SNX25: variants seen among roughly 807,000 people sequenced by gnomAD.
SNX25 encodes the protein sorting nexin-25.
In SNX25, 62 loss-of-function variants were observed where a neutral mutation model predicts 113.7. That is an observed-to-expected ratio of 0.55 (90% confidence interval 0.44 to 0.67). The LOEUF (loss-of-function observed/expected upper bound fraction) is 0.67, where lower values mean the gene tolerates loss of function less well. SNX25 is among the 30% of genes least tolerant of loss of function. The pLI is 0.00. For synonymous variants in SNX25, 421 were observed against 436.2 expected (o/e 0.97, Z 0.43); for missense variants, 1,014 against 1,161.0 (o/e 0.87, Z 1.84).
At chr4:185,304,794 C>G (rs994467449) in intron 6 of SNX25, among the ~76,000 whole-genome samples, 1 of 152,196 alleles carries the variant, frequency 6.6e-6, no homozygotes, top group Non-Finnish European at 1.5e-5. Flanking sequence ...CAGCCTAAAA[C>G]TTTTATTTGA....
chr4:185,207,210 CTTTTTTTTTTTTT>C (rs34373262), upstream of SNX25, among the ~76,000 whole-genome samples: 14 of 76,816 alleles, frequency 1.8e-4, no homozygotes, highest in South Asian at 4.8e-4. Flanking sequence ...ACCAGTCACA[CTTTTTTTTTTTTT>C]TTTTTTTTTT....
chr4:185,339,260 C>T, intron 10 of SNX25, 119 bp from the exon 11 acceptor site: 1 of 834,348 alleles, frequency 1.2e-6, no homozygotes, highest in Non-Finnish European at 1.8e-6. Flanking sequence ...TTGGATTATT[C>T]ACTGTTAGTG....
chr4:185,338,694 C>T (rs78518303), intron 10 of SNX25, among the ~76,000 whole-genome samples: 6,035 of 152,246 alleles, frequency 0.04, 313 homozygotes, highest in African/African-American at 0.12. Context: ...CTTCATTCTT[C>T]TGCCTGTGAA....
intron 3 of SNX25, among the ~76,000 whole-genome samples, chr4:185,262,409 C>G (rs773918551): frequency 2.0e-5 from 3 of 152,122 alleles, no homozygotes; most frequent in Non-Finnish European, 2.9e-5. Context: ...TCATAGTTTT[C>G]TTTGCTGGTC....
chr4:185,339,534 T>C (rs2095249421), intron 11 of SNX25, 24 bp downstream of exon 11: 2 of 1,590,046 alleles, frequency 1.3e-6, no homozygotes, highest in East Asian at 2.2e-5. Flanking sequence ...CTTTTCCTCT[T>C]AATTTATTTT....
At chr4:185,357,350 G>T (rs1363069113) in intron 15 of SNX25, among the ~76,000 whole-genome samples, 1 of 152,214 alleles carries the variant, frequency 6.6e-6, no homozygotes, top group Non-Finnish European at 1.5e-5. Context: ...GAATTACACT[G>T]TGTGGTGGTG....
intron 15 of SNX25, among the ~76,000 whole-genome samples, chr4:185,356,010 T>C (rs2095337144): frequency 6.6e-6 from 1 of 152,244 alleles, no homozygotes; most frequent in Non-Finnish European, 1.5e-5. Context: ...TCGGTTTTGC[T>C]AGTGGCATTT....
intron 1 of SNX25, among the ~76,000 whole-genome samples, chr4:185,212,187 A>G (rs535601141): frequency 2.0e-5 from 3 of 152,212 alleles, no homozygotes; most frequent in African/African-American, 7.2e-5. Flanking sequence ...CATGTTGCCT[A>G]GGCTGGTCTT....
intron 1 of SNX25, among the ~76,000 whole-genome samples, chr4:185,235,417 C>T (rs1742472599): frequency 1.3e-5 from 2 of 152,194 alleles, no homozygotes; most frequent in South Asian, 2.1e-4. Context: ...TCTGGAGGTG[C>T]CCTGCTCAGA....
rs2095217867 is a variant in SNX25 at position 185,334,636 on chromosome 4, A to G, written c.1914+1877A>G. 6.6e-6 allele frequency among the ~76,000 whole-genome samples: 1 copy of G among 152,196 alleles called. No homozygotes were observed. The highest frequency in any genetic ancestry group is 1.5e-5 in the Non-Finnish European group (1 of 68,040). The stretch of plus-strand genomic sequence containing the variant: ...TCTCATTATAAATTAAAATGCATCT[A>G]TGGGTAACAGTATGAAAGATGAGTT... On this transcript the variant is annotated intron_variant, in intron 10 of 18. Transcript: ENST00000652585. This position sits in a 1 kb window ranked among gnomAD's most constrained non-coding sequence, Gnocchi z 4.2.
At chr4:185,284,966 AG>A (rs927959284) in intron 5 of SNX25, among the ~76,000 whole-genome samples, 1 of 152,212 alleles carries the variant, frequency 6.6e-6, no homozygotes, top group African/African-American at 2.4e-5. Context: ...GTACTAGTAG[AG>A]AAACGGAAAG....
In SNX25 at chr4:185,363,301, T is replaced by G; in HGVS notation, c.2935-84T>G. ...GATAATTTCAGACCTAAAATTAGAC[T>G]TTTCTCTTAGATGCAGATATTTATT... On this transcript the variant is annotated intron_variant, in intron 18 of 18. Coordinates refer to ENST00000652585, the MANE Select transcript of SNX25 (RefSeq NM_001378034.2). The surrounding 1 kb of genome is among the most constrained non-coding windows in gnomAD (Gnocchi z 4.2). 1 of 1,331,716 alleles carries G rather than the reference T, an allele frequency of 7.5e-7. No homozygotes were observed. Among genetic ancestry groups the G allele is most frequent in the Non-Finnish European group, 1.1e-6 (1 of 946,502 alleles). 82.5% of individuals were successfully genotyped at this position (1,331,716 alleles called of 1,614,324 possible).
chr4:185,253,233 A>G (rs768875785), intron 2 of SNX25, among the ~76,000 whole-genome samples: 1 of 152,110 alleles, frequency 6.6e-6, no homozygotes, highest in Non-Finnish European at 1.5e-5. Flanking sequence ...TTCAATGTTA[A>G]ATTGAAAGTT....
At chr4:185,213,995 C>T (rs1308449101) in intron 1 of SNX25, among the ~76,000 whole-genome samples, 2 of 150,546 alleles carry the variant, frequency 1.3e-5, no homozygotes, top group Non-Finnish European at 2.9e-5. Context: ...GTGCAGTGGC[C>T]TGACCGTGAT....
intron 7 of SNX25, among the ~76,000 whole-genome samples, chr4:185,311,047 G>A (rs1381096954): frequency 6.6e-6 from 1 of 152,076 alleles, no homozygotes; most frequent in Non-Finnish European, 1.5e-5. Flanking sequence ...GTGTGCGTGT[G>A]TGGATATTTT....
At chr4:185,204,836 C>A (rs1281368249), upstream of SNX25, among the ~76,000 whole-genome samples, 1 of 152,330 alleles carries the variant, frequency 6.6e-6, no homozygotes, top group East Asian at 1.9e-4. Flanking sequence ...AAGGAGGAAA[C>A]GGATTCTCTC....
intron 4 of SNX25, 85 bp downstream of exon 4, chr4:185,264,695 T>C (rs936284958): frequency 7.9e-6 from 11 of 1,384,008 alleles, no homozygotes; most frequent in African/African-American, 4.3e-5. Context: ...GTTGAACATA[T>C]GGGATTTGAA....
rs117896137 is a variant in SNX25 at position 185,353,621 on chromosome 4, A to G, written c.2584+19A>G. ...CGAGGAAGTAAGCTTCTTTGTTATTATTTAGTGGTATTTGCTAGTTAAGTG... is the reference window on the plus strand; with the variant it reads ...CGAGGAAGTAAGCTTCTTTGTTATTGTTTAGTGGTATTTGCTAGTTAAGTG... On this transcript the variant is annotated intron_variant, in intron 15 of 18. Coordinates refer to ENST00000652585, the MANE Select transcript of SNX25 (RefSeq NM_001378034.2). The G allele has an allele frequency of 8.0e-4, 1,248 of 1,566,686 alleles. 26 individuals are homozygous for G. The East Asian group carries it at 0.022, about 28-fold the overall frequency.
At chr4:185,315,691 AG>A (rs955866223) in intron 7 of SNX25, among the ~76,000 whole-genome samples, 18 of 152,304 alleles carry the variant, frequency 1.2e-4, no homozygotes, top group African/African-American at 4.3e-4. Context: ...AACTCATCCT[AG>A]GAGGAGACTA....
Sources: allele counts gnomAD v4.1 joint callset (sites outside exome capture counted in the v4.1 genomes callset), GRCh38; gene constraint gnomAD v4.1.1; non-coding constraint Gnocchi (gnomAD v3.1); transcripts MANE v1.5; gene names NCBI Gene and HGNC (gene_info 2026-07-23, HGNC 2026-07-21).